The following CHRM3 variants were observed in gnomAD, a reference collection of about 807,000 sequenced individuals.
The protein encoded by CHRM3 is muscarinic acetylcholine receptor M3.
In CHRM3, 11 loss-of-function variants were observed where a neutral mutation model predicts 41.8. The ratio of observed to expected loss-of-function variants is 0.26; its 90% CI spans 0.17 to 0.44. CHRM3 has a LOEUF of 0.44. Ranked by LOEUF, CHRM3 falls within the 20% of genes least tolerant of loss-of-function variation. The pLI is 1.00. For synonymous variants in CHRM3, 297 were observed against 301.4 expected (o/e 0.99, Z 0.15); for missense variants, 571 against 745.4 (o/e 0.77, Z 2.72).
At chr1:239,609,751 C>A (rs1666773912) in intron 3 of CHRM3, among the ~76,000 whole-genome samples, 1 of 152,098 alleles carries the variant, frequency 6.6e-6, no homozygotes, top group African/African-American at 2.4e-5. Flanking sequence ...TCTTGAGCAT[C>A]TTTTCATATA....
intron 5 of CHRM3, among the ~76,000 whole-genome samples, chr1:239,711,759 G>A (rs575409942): frequency 1.3e-5 from 2 of 151,356 alleles, no homozygotes; most frequent in African/African-American, 4.8e-5. Context: ...GTGAGACACA[G>A]CTTACTGCAG....
chr1:239,888,093 T>C (rs746742787), intron 6 of CHRM3, among the ~76,000 whole-genome samples: 14 of 152,182 alleles, frequency 9.2e-5, no homozygotes, highest in African/African-American at 2.4e-4. Flanking sequence ...CCAACAGTCA[T>C]ATATCAGTAA....
chr1:239,528,669 G>A (rs1670164473), intron 2 of CHRM3, among the ~76,000 whole-genome samples: 1 of 152,174 alleles, frequency 6.6e-6, no homozygotes, highest in Admixed American at 6.5e-5. Flanking sequence ...AAGGCAGGTG[G>A]ATCACCTGAG....
chr1:239,468,783 C>T (rs374456963), intron 1 of CHRM3, among the ~76,000 whole-genome samples: 1 of 152,172 alleles, frequency 6.6e-6, no homozygotes, highest in African/African-American at 2.4e-5. Flanking sequence ...TGCAAGCATT[C>T]AGCGTGACCC....
chr1:239,493,779 G>A (rs1261852655), intron 2 of CHRM3, among the ~76,000 whole-genome samples: 3 of 152,078 alleles, frequency 2.0e-5, no homozygotes, highest in Non-Finnish European at 4.4e-5. Flanking sequence ...ATGCCCAATA[G>A]TTCTTAAATA....
At chr1:239,474,771 A>G (rs965307935) in intron 1 of CHRM3, among the ~76,000 whole-genome samples, 4 of 152,134 alleles carry the variant, frequency 2.6e-5, no homozygotes, top group Admixed American at 1.3e-4. Flanking sequence ...GCTACTGCAT[A>G]CAAAGAACCT....
chr1:239,733,304 G>A (rs1244603305), intron 5 of CHRM3, among the ~76,000 whole-genome samples: 1 of 152,000 alleles, frequency 6.6e-6, no homozygotes, highest in East Asian at 1.9e-4. Flanking sequence ...CTCCCCCAAA[G>A]TACGCATAGT....
chr1:239,682,942 T>G (rs1658711824), intron 5 of CHRM3, among the ~76,000 whole-genome samples: 1 of 152,148 alleles, frequency 6.6e-6, no homozygotes, highest in Admixed American at 6.6e-5. Context: ...AAAAATTTAA[T>G]TAGGCTATTT....
At chr1:239,732,241 T>C (rs1289195150) in intron 5 of CHRM3, among the ~76,000 whole-genome samples, 1 of 151,314 alleles carries the variant, frequency 6.6e-6, no homozygotes, top group Non-Finnish European at 1.5e-5. Flanking sequence ...GTATACCTAA[T>C]ATCTCACTTA....
intron 4 of CHRM3, among the ~76,000 whole-genome samples, chr1:239,676,371 T>C (rs751077914): frequency 4.4e-4 from 67 of 152,154 alleles, no homozygotes; most frequent in East Asian, 5.8e-4. Flanking sequence ...GAGAAGTCTA[T>C]TATTGAAACT....
chr1:239,749,539 G>A (rs770424202), intron 5 of CHRM3, among the ~76,000 whole-genome samples: 30 of 152,086 alleles, frequency 2.0e-4, no homozygotes, highest in Non-Finnish European at 3.4e-4. Flanking sequence ...GTGGTAGCAC[G>A]TGCCTGTAAT....
intron 5 of CHRM3, chr1:239,705,169 T>C (rs1328140998): frequency 1.3e-5 from 2 of 152,152 alleles, no homozygotes; most frequent in Non-Finnish European, 2.9e-5. Flanking sequence ...ATCATGACAC[T>C]GCACTCCAAC....
At chr1:239,445,500 C>G (rs763689755) in intron 1 of CHRM3, among the ~76,000 whole-genome samples, 18 of 152,092 alleles carry the variant, frequency 1.2e-4, no homozygotes, top group Non-Finnish European at 1.6e-4. Context: ...GCCTCTGTTG[C>G]GGGTGGACTG....
intron 6 of CHRM3, among the ~76,000 whole-genome samples, chr1:239,874,317 A>ACACAG (rs1357981191): frequency 7.4e-6 from 1 of 135,542 alleles, no homozygotes; most frequent in East Asian, 2.1e-4. Flanking sequence ...ATATATATAT[A>ACACAG]TATATATATA....
At chr1:239,809,453 C>T (rs993272592) in intron 5 of CHRM3, among the ~76,000 whole-genome samples, 2 of 152,008 alleles carry the variant, frequency 1.3e-5, no homozygotes, top group African/African-American at 2.4e-5. Flanking sequence ...GTGTCCCCTT[C>T]CTAGGAATGA....
chr1:239,815,310 A>G (rs1671487822), intron 5 of CHRM3, among the ~76,000 whole-genome samples: 1 of 152,202 alleles, frequency 6.6e-6, no homozygotes, highest in Admixed American at 6.5e-5. Context: ...CACCGACCGG[A>G]GGAAATGTGT....
chr1:239,808,234 T>A (rs770574286), intron 5 of CHRM3, among the ~76,000 whole-genome samples: 4 of 152,182 alleles, frequency 2.6e-5, no homozygotes, highest in Non-Finnish European at 5.9e-5. Flanking sequence ...TGAAGTCAGA[T>A]GTGCAGAAAG....
chr1:239,678,872 T>C (rs1437478847), intron 5 of CHRM3, among the ~76,000 whole-genome samples: 1 of 152,154 alleles, frequency 6.6e-6, no homozygotes, highest in Non-Finnish European at 1.5e-5. Context: ...AAATATGCTG[T>C]TTGATAATAT....
intron 1 of CHRM3, among the ~76,000 whole-genome samples, chr1:239,470,813 T>C (rs972749545): frequency 1.3e-5 from 2 of 152,304 alleles, no homozygotes; most frequent in East Asian, 3.9e-4. Flanking sequence ...TTTTCCTCAC[T>C]GTCACCACCC....
Sources: allele counts gnomAD v4.1 joint callset (sites outside exome capture counted in the v4.1 genomes callset), GRCh38; gene constraint gnomAD v4.1.1; transcripts MANE v1.5; gene names NCBI Gene and HGNC (gene_info 2026-07-23, HGNC 2026-07-21).